PALM2AKAP2: variants seen among roughly 807,000 people sequenced by gnomAD.
The protein encoded by PALM2AKAP2 is PALM2 and AKAP2 fusion, also known as PALM2-AKAP2 fusion protein.
In PALM2AKAP2, 37 loss-of-function variants were observed where a neutral mutation model predicts 71.5. The observed-to-expected ratio is 0.52, with a 90% CI of 0.40 to 0.68. The LOEUF (loss-of-function observed/expected upper bound fraction) is 0.68. PALM2AKAP2 is among the 30% of genes least tolerant of loss of function. The pLI is 0.00. For synonymous variants in PALM2AKAP2, 468 were observed against 478.8 expected, an observed-to-expected ratio of 0.98 and a Z score of 0.29; for missense variants, 1,224 against 1,191.8, an observed-to-expected ratio of 1.03 and a Z score of -0.40.
chr9:109,760,097 T>G (rs747566252), intron 1 of PALM2AKAP2, among the ~76,000 whole-genome samples: 24 of 152,186 alleles, frequency 1.6e-4, no homozygotes, highest in Non-Finnish European at 3.4e-4. Context: ...GATTCGATTT[T>G]TGCCCCTATA....
At chr9:109,672,725 C>T (rs564969205) in intron 1 of PALM2AKAP2, among the ~76,000 whole-genome samples, 7 of 152,152 alleles carry the variant, frequency 4.6e-5, no homozygotes, top group African/African-American at 1.7e-4. Flanking sequence ...GCTATGAATC[C>T]TTCTGGTCCT....
At chr9:110,087,924 A>T (rs1834610675) in intron 1 of PALM2AKAP2, among the ~76,000 whole-genome samples, 1 of 152,164 alleles carries the variant, frequency 6.6e-6, no homozygotes, top group South Asian at 2.1e-4. Flanking sequence ...GGCTGCTTAG[A>T]TGTGCTGATC....
At chr9:109,727,302 G>A (rs1828490823) in intron 1 of PALM2AKAP2, among the ~76,000 whole-genome samples, 1 of 152,076 alleles carries the variant, frequency 6.6e-6, no homozygotes, top group South Asian at 2.1e-4. Context: ...AATATAATTT[G>A]GGAGGGAATT....
chr9:109,996,258 TA>T (rs1288798122), intron 6 of PALM2AKAP2, among the ~76,000 whole-genome samples: 2 of 152,134 alleles, frequency 1.3e-5, no homozygotes, highest in African/African-American at 4.8e-5. Context: ...ATCATTAGAG[TA>T]TGTGGAGAAT....
chr9:110,016,131 C>T, intron 7 of PALM2AKAP2, 92 bp downstream of exon 7: 1 of 1,193,822 alleles, frequency 8.4e-7, no homozygotes, highest in Non-Finnish European at 1.2e-6. Flanking sequence ...ATGAACACTA[C>T]CAATCCACCT....
At chr9:110,097,048 G>A (rs1024637210) in intron 1 of PALM2AKAP2, among the ~76,000 whole-genome samples, 1 of 148,354 alleles carries the variant, frequency 6.7e-6, no homozygotes, top group Non-Finnish European at 1.5e-5. Flanking sequence ...AAGGTCAGCA[G>A]ATAAACAAGT....
intron 1 of PALM2AKAP2, among the ~76,000 whole-genome samples, chr9:110,116,955 A>G (rs1282037657): frequency 2.0e-5 from 3 of 152,204 alleles, no homozygotes; most frequent in African/African-American, 7.2e-5. Context: ...GTAAAACCTA[A>G]CAAGTAGATG....
chr9:109,766,352 G>T, intron 1 of PALM2AKAP2, among the ~76,000 whole-genome samples: 1 of 152,216 alleles, frequency 6.6e-6, no homozygotes. Context: ...TGTGGTTCAG[G>T]TGTAGGGACT....
chr9:109,698,900 CT>C, intron 1 of PALM2AKAP2, among the ~76,000 whole-genome samples: 1 of 152,094 alleles, frequency 6.6e-6, no homozygotes, highest in East Asian at 1.9e-4. Flanking sequence ...AAGTAAATGT[CT>C]TTTCAATGTA....
intron 6 of PALM2AKAP2, among the ~76,000 whole-genome samples, chr9:109,977,912 C>T (rs2132180442): frequency 6.6e-6 from 1 of 152,224 alleles, no homozygotes; most frequent in Admixed American, 6.5e-5. Flanking sequence ...TCTTGGTGGC[C>T]TAGCTTAGAT....
intron 2 of PALM2AKAP2, among the ~76,000 whole-genome samples, chr9:110,139,371 C>T (rs1009236341): frequency 3.9e-5 from 6 of 151,978 alleles, no homozygotes; most frequent in Non-Finnish European, 7.4e-5. Flanking sequence ...CTATGGAAAA[C>T]GCTGCTCAAA....
chr9:109,928,360 T>C (rs920052009), intron 5 of PALM2AKAP2, among the ~76,000 whole-genome samples: 1 of 152,242 alleles, frequency 6.6e-6, no homozygotes, highest in African/African-American at 2.4e-5. Flanking sequence ...TTCAGCGGGA[T>C]TAGAACTAAG....
At chr9:109,712,215 T>C (rs1167755768) in intron 1 of PALM2AKAP2, among the ~76,000 whole-genome samples, 1 of 152,212 alleles carries the variant, frequency 6.6e-6, no homozygotes, top group Non-Finnish European at 1.5e-5. Context: ...AGTTCATTGC[T>C]TACAGGGTAG....
At chr9:110,092,069 T>A (rs1015482215) in intron 1 of PALM2AKAP2, among the ~76,000 whole-genome samples, 6 of 152,152 alleles carry the variant, frequency 3.9e-5, no homozygotes, top group African/African-American at 1.4e-4. Context: ...CAGTGGCTCA[T>A]ACCTGTAATC....
At chr9:110,065,353 T>C (rs960145308) in intron 1 of PALM2AKAP2, among the ~76,000 whole-genome samples, 3 of 152,102 alleles carry the variant, frequency 2.0e-5, no homozygotes, top group Non-Finnish European at 4.4e-5. Context: ...CTCAGCCTCC[T>C]GAGAGGCTGG....
intron 3 of PALM2AKAP2, among the ~76,000 whole-genome samples, chr9:110,158,265 G>T (rs1372247827): frequency 2.6e-5 from 4 of 152,232 alleles, no homozygotes; most frequent in Non-Finnish European, 5.9e-5. Flanking sequence ...TGCTCTAGGT[G>T]TCTGGTTTCT....
At chr9:110,093,370 G>T (rs1203248694) in intron 1 of PALM2AKAP2, among the ~76,000 whole-genome samples, 3 of 152,114 alleles carry the variant, frequency 2.0e-5, no homozygotes, top group Non-Finnish European at 2.9e-5. Context: ...GGCATGAGGA[G>T]AACTGGTCCT....
chr9:110,061,433 ATG>A (rs1833963510), intron 1 of PALM2AKAP2, among the ~76,000 whole-genome samples: 1 of 151,900 alleles, frequency 6.6e-6, no homozygotes, highest in Non-Finnish European at 1.5e-5. Context: ...ATACATTTTT[ATG>A]TGTTTTCAGT....
chr9:109,804,961 C>T (rs1295581857), intron 1 of PALM2AKAP2, among the ~76,000 whole-genome samples: 2 of 152,074 alleles, frequency 1.3e-5, no homozygotes, highest in African/African-American at 2.4e-5. Context: ...TAGTTATGCT[C>T]TCTATAAATT....
Sources: gnomAD v4.1 joint callset for allele counts (sites outside exome capture counted in the v4.1 genomes callset) on GRCh38, gnomAD v4.1.1 for gene constraint, MANE v1.5 for transcripts, NCBI Gene and HGNC (gene_info 2026-07-23, HGNC 2026-07-21) for gene names.